The following PDGFC variants were observed in gnomAD, a reference collection of about 807,000 sequenced individuals.
PDGFC encodes the protein platelet-derived growth factor C.
PDGFC carries 12 observed loss-of-function variants against 35.5 expected under a neutral mutation model. The ratio of observed to expected loss-of-function variants is 0.34; its 90% CI spans 0.22 to 0.55. The LOEUF (loss-of-function observed/expected upper bound fraction) is 0.55, where lower values mean the gene tolerates loss of function less well. PDGFC is among the 20% of genes least tolerant of loss of function. The pLI is 0.91. For missense variants in PDGFC, 322 were observed against 412.4 expected (o/e 0.78, Z 1.90); for synonymous variants, 159 against 148.8 (o/e 1.07, Z -0.50).
chr4:156,904,842 T>A (rs561298683), intron 1 of PDGFC, among the ~76,000 whole-genome samples: 5 of 152,260 alleles, frequency 3.3e-5, no homozygotes, highest in Admixed American at 3.3e-4. Flanking sequence ...TGATTGCCTA[T>A]CCCCACTGCA....
chr4:156,852,077 C>T (rs1729471418), intron 1 of PDGFC, among the ~76,000 whole-genome samples: 1 of 151,674 alleles, frequency 6.6e-6, no homozygotes. Context: ...AAGTAAAAGC[C>T]TTAGACTGGA....
intron 3 of PDGFC, among the ~76,000 whole-genome samples, chr4:156,782,628 T>G (rs140330820): frequency 1.1e-4 from 16 of 152,290 alleles, no homozygotes; most frequent in African/African-American, 3.1e-4. Context: ...TTATATGTTC[T>G]TTGGTCATGT....
chr4:156,884,265 C>T (rs1730322818), intron 1 of PDGFC, among the ~76,000 whole-genome samples: 1 of 152,184 alleles, frequency 6.6e-6, no homozygotes, highest in South Asian at 2.1e-4. Flanking sequence ...AAGGTCAACC[C>T]TCAGGGCTGA....
intron 1 of PDGFC, among the ~76,000 whole-genome samples, chr4:156,897,036 G>A (rs1326264516): frequency 6.6e-6 from 1 of 152,012 alleles, no homozygotes. Flanking sequence ...CACATTAAAG[G>A]AGCCCAGTCG....
intron 2 of PDGFC, among the ~76,000 whole-genome samples, chr4:156,818,381 T>TG (rs929484193): frequency 1.5e-4 from 23 of 152,052 alleles, no homozygotes; most frequent in Non-Finnish European, 2.2e-4. Flanking sequence ...GCAATGGAGC[T>TG]GTTTTGCCTT....
chr4:156,895,991 A>G (rs894588), intron 1 of PDGFC, among the ~76,000 whole-genome samples: 89,740 of 151,788 alleles, frequency 0.59, 26,685 homozygotes, highest in Admixed American at 0.64. Context: ...TAAATCTCCA[A>G]AAAAATTAAG....
At chr4:156,970,762 G>A in intron 1 of PDGFC, 24 bp downstream of exon 1, 1 of 1,377,964 alleles carries the variant, frequency 7.3e-7, no homozygotes, top group Non-Finnish European at 1.0e-6. Flanking sequence ...AAACAAGCAG[G>A]GGGAGAATGG....
intron 1 of PDGFC, among the ~76,000 whole-genome samples, chr4:156,887,306 T>C (rs1730398989): frequency 1.3e-5 from 2 of 152,304 alleles, no homozygotes; most frequent in African/African-American, 4.8e-5. Context: ...AGACTTCCTT[T>C]ATCTCTGCTG....
chr4:156,812,238 T>G (rs1223066404), intron 2 of PDGFC, among the ~76,000 whole-genome samples: 2 of 152,082 alleles, frequency 1.3e-5, no homozygotes, highest in African/African-American at 4.8e-5. Context: ...TAGTCTATAT[T>G]TATAGCTGTT....
At chr4:156,874,880 C>A (rs887278215) in intron 1 of PDGFC, among the ~76,000 whole-genome samples, 1 of 151,888 alleles carries the variant, frequency 6.6e-6, no homozygotes, top group African/African-American at 2.4e-5. Flanking sequence ...TGATGCCCAG[C>A]TAATTTTTGT....
At chr4:156,890,056 T>C (rs1484195168) in intron 1 of PDGFC, among the ~76,000 whole-genome samples, 1 of 151,860 alleles carries the variant, frequency 6.6e-6, no homozygotes, top group Non-Finnish European at 1.5e-5. Flanking sequence ...CAGGTTAATA[T>C]GTATTAAATA....
chr4:156,767,614 C>T (rs1578995955), intron 5 of PDGFC, among the ~76,000 whole-genome samples, 159 bp downstream of exon 5: 1 of 151,936 alleles, frequency 6.6e-6, no homozygotes, highest in Non-Finnish European at 1.5e-5. Context: ...ATTAAAGGTG[C>T]TAATTTTAAA....
At chr4:156,861,643 G>A (rs1729712139) in intron 1 of PDGFC, among the ~76,000 whole-genome samples, 1 of 152,056 alleles carries the variant, frequency 6.6e-6, no homozygotes, top group South Asian at 2.1e-4. Flanking sequence ...ATCTGAGTCA[G>A]TCAATGAACT....
At chr4:156,891,175 A>T (rs964980099) in intron 1 of PDGFC, among the ~76,000 whole-genome samples, 5 of 151,838 alleles carry the variant, frequency 3.3e-5, no homozygotes, top group Non-Finnish European at 7.4e-5. Flanking sequence ...ACACATCTAA[A>T]CATAAAAAAA....
chr4:156,907,035 A>G (rs182648388), intron 1 of PDGFC, among the ~76,000 whole-genome samples: 44 of 152,338 alleles, frequency 2.9e-4, no homozygotes, highest in Middle Eastern at 3.4e-3. Context: ...ATAAACAAAT[A>G]ACAATCTACT....
chr4:156,964,405 GAT>G (rs1327809702), intron 1 of PDGFC, among the ~76,000 whole-genome samples: 2 of 147,466 alleles, frequency 1.4e-5, no homozygotes, highest in Non-Finnish European at 1.5e-5. Context: ...TATATATAGT[GAT>G]ATATATATAA....
intron 1 of PDGFC, among the ~76,000 whole-genome samples, chr4:156,954,856 A>T (rs565964573): frequency 6.6e-6 from 1 of 152,162 alleles, no homozygotes; most frequent in African/African-American, 2.4e-5. Flanking sequence ...ATGACACCAG[A>T]TGCCAAGACT....
At chr4:156,790,555 A>T (rs1200858348) in intron 3 of PDGFC, among the ~76,000 whole-genome samples, 1 of 152,246 alleles carries the variant, frequency 6.6e-6, no homozygotes, top group Non-Finnish European at 1.5e-5. Flanking sequence ...GAATTTGGAT[A>T]GAATAAACAT....
intron 1 of PDGFC, among the ~76,000 whole-genome samples, chr4:156,916,526 G>A (rs1731159732): frequency 6.6e-6 from 1 of 152,132 alleles, no homozygotes; most frequent in Non-Finnish European, 1.5e-5. Flanking sequence ...AGGATCTATA[G>A]AAAACCCCCA....
Sources: gnomAD v4.1 joint callset for allele counts (sites outside exome capture counted in the v4.1 genomes callset) on GRCh38, gnomAD v4.1.1 for gene constraint, MANE v1.5 for transcripts, NCBI Gene and HGNC (gene_info 2026-07-23, HGNC 2026-07-21) for gene names.